The following FOXP2 variants were observed in gnomAD, a reference collection of about 807,000 sequenced individuals.
FOXP2 encodes forkhead box P2, also known as forkhead box protein P2.
Under a neutral mutation model 115.8 loss-of-function variants are expected in FOXP2, and 12 were observed. The observed-to-expected ratio is 0.10, with a 90% CI of 0.07 to 0.17. The LOEUF (loss-of-function observed/expected upper bound fraction) is 0.17, where lower values mean the gene tolerates loss of function less well. Among genes scored for constraint, FOXP2 ranks in the 10% least tolerant of loss-of-function variants. The probability of loss-of-function intolerance (pLI) is 1.00; values close to 1 mark genes in which losing one functional copy is unlikely to be tolerated. For missense variants in FOXP2, 629 were observed against 843.5 expected, an observed-to-expected ratio of 0.75 and a Z score of 3.15; for synonymous variants, 328 against 297.7, an observed-to-expected ratio of 1.10 and a Z score of -1.05.
chr7:114,119,057 A>T (rs1012097144), intron 1 of FOXP2, among the ~76,000 whole-genome samples: 5 of 152,330 alleles, frequency 3.3e-5, no homozygotes, highest in Non-Finnish European at 4.4e-5. Flanking sequence ...TCATTCTTTC[A>T]TTCCCATGAG....
chr7:114,104,480 G>C (rs1791064193), intron 1 of FOXP2, among the ~76,000 whole-genome samples: 1 of 151,880 alleles, frequency 6.6e-6, no homozygotes, highest in Non-Finnish European at 1.5e-5. Flanking sequence ...ACAACTAGAG[G>C]TAAAATACTG....
chr7:114,485,395 A>G (rs1021021839), intron 2 of FOXP2, among the ~76,000 whole-genome samples: 2 of 151,924 alleles, frequency 1.3e-5, no homozygotes, highest in Non-Finnish European at 2.9e-5. Flanking sequence ...AAATACTAAT[A>G]TTATGTTTTA....
At chr7:114,545,831 G>A (rs556396321) in intron 3 of FOXP2, among the ~76,000 whole-genome samples, 1 of 151,886 alleles carries the variant, frequency 6.6e-6, no homozygotes, top group Non-Finnish European at 1.5e-5. Context: ...AATTTCAATT[G>A]TGTGTCAACT....
chr7:114,366,472 T>G (rs1277199433), intron 2 of FOXP2: 1 of 152,186 alleles, frequency 6.6e-6, no homozygotes, highest in East Asian at 1.9e-4. Context: ...TTTTCCTTTT[T>G]TGTTTTGTTT....
intron 3 of FOXP2, among the ~76,000 whole-genome samples, chr7:114,577,210 T>C (rs1338855619): frequency 6.6e-6 from 1 of 151,886 alleles, no homozygotes; most frequent in African/African-American, 2.4e-5. Flanking sequence ...AAAATATAAA[T>C]TTCAATACAT....
intron 2 of FOXP2, among the ~76,000 whole-genome samples, chr7:114,478,948 G>C (rs1359212356): frequency 6.6e-6 from 1 of 151,588 alleles, no homozygotes; most frequent in African/African-American, 2.4e-5. Flanking sequence ...TCAAAATTAT[G>C]TTATAGGGAA....
intron 1 of FOXP2, among the ~76,000 whole-genome samples, chr7:114,109,870 T>G (rs570973224): frequency 6.6e-6 from 1 of 152,242 alleles, no homozygotes; most frequent in East Asian, 1.9e-4. Context: ...CATGAGAGCT[T>G]TAAGAATTTA....
chr7:114,304,964 A>G lies in FOXP2; in HGVS notation c.-11+16855A>G, dbSNP rs1224442178. Among the ~76,000 whole-genome samples the G allele has an allele frequency of 2.7e-4, 41 of 152,124 alleles. 2 individuals carry two copies. The highest frequency in any genetic ancestry group is 2.7e-3 in the Admixed American group (41 of 15,260). On this transcript the variant is annotated intron_variant, in intron 2 of 17. Transcript: ENST00000634411. Reference sequence around the variant, plus strand: ...AAATAGTAAGCTAGATATATCATATATTTTGTCATTAAATATTTTATAAAA... The same window carrying G: ...AAATAGTAAGCTAGATATATCATATGTTTTGTCATTAAATATTTTATAAAA...
intron 11 of FOXP2, among the ~76,000 whole-genome samples, chr7:114,658,944 G>C (rs1806730023): frequency 6.6e-6 from 1 of 152,174 alleles, no homozygotes; most frequent in South Asian, 2.1e-4. Flanking sequence ...GGTGCTTGGT[G>C]AGGGTTTTGT....
chr7:114,292,131 GC>G (rs1796620270), intron 2 of FOXP2, among the ~76,000 whole-genome samples: 1 of 150,872 alleles, frequency 6.6e-6, no homozygotes, highest in Non-Finnish European at 1.5e-5. Context: ...CACAACCTTT[GC>G]CATGTTCTGT....
intron 2 of FOXP2, among the ~76,000 whole-genome samples, chr7:114,314,348 G>A (rs1410506786): frequency 1.3e-5 from 2 of 151,418 alleles, no homozygotes; most frequent in African/African-American, 4.9e-5. Context: ...AAAATTTCTG[G>A]TCATTTTGCT....
intron 1 of FOXP2, among the ~76,000 whole-genome samples, chr7:114,279,165 G>A (rs1332289600): frequency 6.6e-6 from 1 of 152,104 alleles, no homozygotes; most frequent in African/African-American, 2.4e-5. Context: ...ACCATATCCT[G>A]GATGATAATA....
chr7:114,170,352 C>T (rs779918341), intron 1 of FOXP2, among the ~76,000 whole-genome samples: 10 of 152,228 alleles, frequency 6.6e-5, no homozygotes, highest in Admixed American at 5.9e-4. Context: ...TAAAAAACAA[C>T]GATGTTGAAA....
chr7:114,231,058 T>C (rs576208159), intron 1 of FOXP2, among the ~76,000 whole-genome samples: 50 of 151,644 alleles, frequency 3.3e-4, no homozygotes, highest in African/African-American at 1.2e-3. Flanking sequence ...GGATACGATA[T>C]CAACATACAA....
chr7:114,330,411 T>C (rs1370755245), intron 2 of FOXP2, among the ~76,000 whole-genome samples: 1 of 151,070 alleles, frequency 6.6e-6, no homozygotes, highest in African/African-American at 2.4e-5. Context: ...AGCAGGAGGA[T>C]CCCTTGAGCT....
chr7:114,088,957 G>T (rs1584471663), intron 1 of FOXP2, among the ~76,000 whole-genome samples: 1 of 151,954 alleles, frequency 6.6e-6, no homozygotes, highest in South Asian at 2.1e-4. Flanking sequence ...TGATTTATTT[G>T]TATCTATATT....
At chr7:114,163,686 T>C (rs1792898283) in intron 1 of FOXP2, among the ~76,000 whole-genome samples, 2 of 152,176 alleles carry the variant, frequency 1.3e-5, no homozygotes, top group Non-Finnish European at 2.9e-5. Flanking sequence ...TATAGAAACA[T>C]AGAATTTTGT....
At chr7:114,351,839 C>A (rs1436671410) in intron 2 of FOXP2, among the ~76,000 whole-genome samples, 1 of 151,936 alleles carries the variant, frequency 6.6e-6, no homozygotes, top group Non-Finnish European at 1.5e-5. Flanking sequence ...AAGCCCATGT[C>A]TTTGAAAAAA....
At chr7:114,684,887 C>A (rs1295187606) in intron 16 of FOXP2, among the ~76,000 whole-genome samples, 1 of 152,004 alleles carries the variant, frequency 6.6e-6, no homozygotes, top group African/African-American at 2.4e-5. Flanking sequence ...TACATGTCTA[C>A]ATGAAACTGT....
Sources: gnomAD v4.1 joint callset for allele counts (sites outside exome capture counted in the v4.1 genomes callset) on GRCh38, gnomAD v4.1.1 for gene constraint, MANE v1.5 for transcripts, NCBI Gene and HGNC (gene_info 2026-07-23, HGNC 2026-07-21) for gene names.